The following ACSBG2 variants were observed in gnomAD, a reference collection of about 807,000 sequenced individuals.
ACSBG2 encodes the protein acyl-CoA synthetase bubblegum family member 2.
Under a neutral mutation model 74.7 loss-of-function variants are expected in ACSBG2, and 62 were observed. That is an observed-to-expected ratio of 0.83 (90% confidence interval 0.68 to 1.03). The LOEUF (loss-of-function observed/expected upper bound fraction) is 1.03, where lower values mean the gene tolerates loss of function less well. Among genes scored for constraint, ACSBG2 ranks in the 50% least tolerant of loss-of-function variants. The probability of loss-of-function intolerance (pLI) is 0.00; values close to 1 mark genes in which losing one functional copy is unlikely to be tolerated. For missense variants in ACSBG2, 730 were observed against 817.6 expected (o/e 0.89, Z 1.31); for synonymous variants, 309 against 294.1 (o/e 1.05, Z -0.52).
At chr19:6,144,688 T>G (rs547795474) in intron 2 of ACSBG2, among the ~76,000 whole-genome samples, 1 of 152,002 alleles carries the variant, frequency 6.6e-6, no homozygotes, top group Non-Finnish European at 1.5e-5. Context: ...TTTTGTTGTT[T>G]TTTTCTTTTT....
chr19:6,173,935 C>CTTTT (rs2090029011), intron 7 of ACSBG2, among the ~76,000 whole-genome samples: 2 of 137,140 alleles, frequency 1.5e-5, no homozygotes, highest in African/African-American at 6.2e-5. Context: ...CACTCTTGAA[C>CTTTT]TATTTTTTTT....
intron 14 of ACSBG2, chr19:6,191,920 T>G (rs1023667091): frequency 6.6e-6 from 1 of 152,054 alleles, no homozygotes; most frequent in Admixed American, 6.6e-5. Flanking sequence ...TCCAGTTGAA[T>G]GAGAAACCAT....
intron 6 of ACSBG2, among the ~76,000 whole-genome samples, chr19:6,162,136 CGTGCCTGTA>C (rs1382671677): frequency 6.6e-6 from 1 of 151,294 alleles, no homozygotes; most frequent in African/African-American, 2.4e-5. Context: ...CATGGTGGTA[CGTGCCTGTA>C]GTCCCAGCTA....
chr19:6,152,279 A>G (rs1404138013), intron 4 of ACSBG2, among the ~76,000 whole-genome samples: 1 of 68,518 alleles, frequency 1.5e-5, no homozygotes, highest in Non-Finnish European at 2.7e-5. Context: ...CACCCAGCTA[A>G]TTTTTTTTTT....
intron 13 of ACSBG2, among the ~76,000 whole-genome samples, chr19:6,189,456 G>T (rs1292746947): frequency 6.6e-6 from 1 of 152,194 alleles, no homozygotes; most frequent in Non-Finnish European, 1.5e-5. Context: ...GAGCAAGTAT[G>T]TGGCAATGAA....
chr19:6,176,873 C>T (rs972559583), intron 7 of ACSBG2, among the ~76,000 whole-genome samples: 1 of 152,054 alleles, frequency 6.6e-6, no homozygotes, highest in African/African-American at 2.4e-5. Flanking sequence ...AATCGCCCTC[C>T]AGGCTGGGCA....
chr19:6,141,218 C>A (rs759049578), intron 1 of ACSBG2, among the ~76,000 whole-genome samples: 2 of 152,116 alleles, frequency 1.3e-5, no homozygotes, highest in Non-Finnish European at 2.9e-5. Flanking sequence ...AGTTTCTTTC[C>A]CCTGGGAGGC....
chr19:6,138,949 G>A (rs977285463), intron 1 of ACSBG2, among the ~76,000 whole-genome samples: 12 of 152,158 alleles, frequency 7.9e-5, no homozygotes, highest in Admixed American at 7.9e-4. Flanking sequence ...CACACTCCGT[G>A]CATGTTTTTC....
intron 4 of ACSBG2, among the ~76,000 whole-genome samples, chr19:6,155,051 A>G (rs948593212): frequency 6.6e-6 from 1 of 152,196 alleles, no homozygotes; most frequent in African/African-American, 2.4e-5. Context: ...AGCAAATAGT[A>G]TGTGCTTAAG....
Position 6,190,621 on chromosome 19 carries a change from G to A in ACSBG2, c.1965G>A (p.Gln655=). 1 of 1,614,018 alleles carries A rather than the reference G, an allele frequency of 6.2e-7. No individual in the cohort carries two copies. Among genetic ancestry groups the A allele is most frequent in the Non-Finnish European group, 8.5e-7 (1 of 1,179,958 alleles). The change falls in exon 14 of 15, where the codon CAG becomes CAA. Residue 655 remains glutamine (Q), a synonymous_variant. Coordinates refer to ENST00000588485, the MANE Select transcript of ACSBG2 (RefSeq NM_030924.5). Reference sequence around the variant, plus strand: ...AACTTAAGAGACATTTTGTAGCCCAGAAATACAAAAAACAAATTGATCACA... The same window carrying A: ...AACTTAAGAGACATTTTGTAGCCCAAAAATACAAAAAACAAATTGATCACA... ...MMKLKRHFVA[Q]KYKKQIDHMY...
chr19:6,143,133 C>T (rs556256856), intron 2 of ACSBG2, among the ~76,000 whole-genome samples: 1 of 152,122 alleles, frequency 6.6e-6, no homozygotes, highest in Non-Finnish European at 1.5e-5. Context: ...CAACCTCTGC[C>T]TCCCAGGCTC....
At chr19:6,151,600 T>G (rs1239450465) in intron 3 of ACSBG2, 107 bp from the exon 4 acceptor site, 1 of 1,087,202 alleles carries the variant, frequency 9.2e-7, no homozygotes, top group Non-Finnish European at 1.4e-6. Flanking sequence ...TGTGAGCCAC[T>G]GCGCCTGGCC....
At chr19:6,177,029 T>G (rs2090106160) in intron 7 of ACSBG2, among the ~76,000 whole-genome samples, 200 bp from the exon 8 acceptor site, 1 of 151,822 alleles carries the variant, frequency 6.6e-6, no homozygotes, top group Non-Finnish European at 1.5e-5. Flanking sequence ...GGTGTGGTGG[T>G]GTGTGCCTAT....
At chr19:6,170,896 G>T (rs1405770558) in intron 7 of ACSBG2, among the ~76,000 whole-genome samples, 1 of 151,918 alleles carries the variant, frequency 6.6e-6, no homozygotes, top group African/African-American at 2.4e-5. Context: ...TTATAAATCT[G>T]GGGGCTCTGA....
chr19:6,165,932 CAGA>C lies in ACSBG2; in HGVS notation c.658_660del (p.Lys220del). 1 of 1,613,992 alleles carries C rather than the reference CAGA, an allele frequency of 6.2e-7. No individual in the cohort carries two copies. Among genetic ancestry groups the C allele is most frequent in the South Asian group, 1.1e-5 (1 of 91,068 alleles). On this transcript the variant is annotated inframe_deletion, in exon 7 of 15. Transcript: ENST00000588485. ...CCAACTGGAGCAGGTCATCGAGAGCCAGAAGGCGAATCAATGCGCAGTGCTCAT... is the reference window on the plus strand; with the variant it reads ...CCAACTGGAGCAGGTCATCGAGAGCCAGGCGAATCAATGCGCAGTGCTCAT...
intron 4 of ACSBG2, 78 bp from the exon 5 acceptor site, chr19:6,156,353 C>A: frequency 6.8e-7 from 1 of 1,461,630 alleles, no homozygotes; most frequent in Non-Finnish European, 9.1e-7. Flanking sequence ...GCAAACCTTT[C>A]CTCTCTTTTG....
At chr19:6,190,804 C>CACAA in intron 14 of ACSBG2, 112 bp downstream of exon 14, 1 of 471,176 alleles carries the variant, frequency 2.1e-6, no homozygotes, top group Non-Finnish European at 3.8e-6. Flanking sequence ...CACACATACA[C>CACAA]ACATACATAC....
intron 7 of ACSBG2, among the ~76,000 whole-genome samples, chr19:6,172,242 A>G (rs2089983781): frequency 6.6e-6 from 1 of 152,156 alleles, no homozygotes; most frequent in South Asian, 2.1e-4. Flanking sequence ...GATTCTTTGG[A>G]GGTGTTGAAA....
At position 6,177,356 on chromosome 19, in the gene ACSBG2, T is replaced by C. The variant is rs146465418; in HGVS notation, c.866T>C (p.Ile289Thr). 4.6e-5 allele frequency: 74 copies of C among 1,610,794 alleles called. No individual in the cohort carries two copies. The highest frequency in any genetic ancestry group is 2.0e-4 in the African/African-American group (15 of 74,752). The change falls in exon 8 of 15, where the codon ATT (isoleucine) becomes ACT (threonine). Residue 289 changes from isoleucine (I) to threonine (T), a missense_variant. Coordinates refer to ENST00000588485, the MANE Select transcript of ACSBG2 (RefSeq NM_030924.5). The part of the protein sequence containing the change: ...QMMDIWVPIK[I>T]GALTYFAQAD... ...ATGGACATCTGGGTACCCATAAAGA[T>C]TGGGGCGCTCACATACTTTGCTCAA...
Sources: allele counts gnomAD v4.1 joint callset (sites outside exome capture counted in the v4.1 genomes callset), GRCh38; gene constraint gnomAD v4.1.1; transcripts MANE v1.5; gene names NCBI Gene and HGNC (gene_info 2026-07-23, HGNC 2026-07-21).